The following HNRNPC variants were observed in gnomAD, a reference collection of about 807,000 sequenced individuals.
HNRNPC encodes heterogeneous nuclear ribonucleoprotein C, also known as heterogeneous nuclear ribonucleoproteins C1/C2.
HNRNPC carries 3 observed loss-of-function variants against 33.2 expected under a neutral mutation model. That is an observed-to-expected ratio of 0.09 (90% CI 0.04 to 0.23). HNRNPC has a LOEUF of 0.23. HNRNPC is among the 10% of genes least tolerant of loss of function. HNRNPC has a pLI of 1.00. For missense variants in HNRNPC, 143 were observed against 366.7 expected (o/e 0.39, Z 4.98); for synonymous variants, 121 against 126.7 (o/e 0.96, Z 0.30).
intron 2 of HNRNPC, among the ~76,000 whole-genome samples, chr14:21,246,084 A>G (rs1352213363): frequency 6.6e-6 from 1 of 152,048 alleles, no homozygotes. Context: ...TCGGCCTCCC[A>G]AATTGCTGGG....
intron 2 of HNRNPC, among the ~76,000 whole-genome samples, chr14:21,262,326 T>C (rs1594338158): frequency 6.6e-6 from 1 of 152,268 alleles, no homozygotes; most frequent in East Asian, 1.9e-4. Flanking sequence ...GTTTTCTTGT[T>C]GCTAATCATT....
At chr14:21,229,736 T>C (rs142291733) in intron 5 of HNRNPC, among the ~76,000 whole-genome samples, 4 of 152,234 alleles carry the variant, frequency 2.6e-5, no homozygotes, top group African/African-American at 9.6e-5. Context: ...TGAATTGTTA[T>C]ATACAGTAAT....
At chr14:21,226,897 G>GAAAAAAA (rs1566608876) in intron 5 of HNRNPC, among the ~76,000 whole-genome samples, 26 of 52,330 alleles carry the variant, frequency 5.0e-4, no homozygotes, top group Non-Finnish European at 7.2e-4. Context: ...AAAAAAAAAG[G>GAAAAAAA]GGGGGGGGGG....
intron 5 of HNRNPC, among the ~76,000 whole-genome samples, chr14:21,214,918 A>T (rs1380465322): frequency 6.6e-6 from 1 of 152,194 alleles, no homozygotes; most frequent in Non-Finnish European, 1.5e-5. Context: ...GCCTCAGTCC[A>T]ATGGAAATAA....
intron 1 of HNRNPC, chr14:21,265,469 G>C (rs1344201559): frequency 6.6e-6 from 1 of 152,118 alleles, no homozygotes; most frequent in Non-Finnish European, 1.5e-5. Flanking sequence ...AAACTGAAGA[G>C]CTACCACTCA....
At chr14:21,220,186 G>A (rs750377594) in intron 5 of HNRNPC, among the ~76,000 whole-genome samples, 1 of 150,762 alleles carries the variant, frequency 6.6e-6, no homozygotes, top group Non-Finnish European at 1.5e-5. Context: ...TGCCTTATGC[G>A]TCACGTGATG....
chr14:21,230,488 T>C (rs1893987161), intron 4 of HNRNPC, 122 bp from the exon 5 acceptor site: 1 of 681,968 alleles, frequency 1.5e-6, no homozygotes. Context: ...TAGCACTGAA[T>C]GATCCCCAAT....
intron 2 of HNRNPC, among the ~76,000 whole-genome samples, chr14:21,240,969 G>T (rs1176199854): frequency 6.6e-6 from 1 of 151,962 alleles, no homozygotes; most frequent in Non-Finnish European, 1.5e-5. Context: ...CTTTATTACT[G>T]TATCTTAAAA....
chr14:21,230,629 A>T (rs1329445042), intron 4 of HNRNPC: 2 of 513,876 alleles, frequency 3.9e-6, no homozygotes, highest in Non-Finnish European at 6.9e-6. Flanking sequence ...ACTGAAAAAC[A>T]GAATGGTAAA....
chr14:21,229,816 T>C (rs1036000881), intron 5 of HNRNPC, among the ~76,000 whole-genome samples: 1 of 152,266 alleles, frequency 6.6e-6, no homozygotes, highest in Non-Finnish European at 1.5e-5. Flanking sequence ...ATATGCTTTA[T>C]ATATTGCATG....
chr14:21,238,436 T>G (rs554881889), intron 2 of HNRNPC, among the ~76,000 whole-genome samples: 2 of 152,356 alleles, frequency 1.3e-5, no homozygotes, highest in East Asian at 3.9e-4. Flanking sequence ...GTACTCTGCT[T>G]GTGATTAATC....
At chr14:21,232,367 C>T (rs1005860604) in intron 3 of HNRNPC, among the ~76,000 whole-genome samples, 4 of 152,000 alleles carry the variant, frequency 2.6e-5, no homozygotes, top group African/African-American at 9.7e-5. Context: ...CACCTCAAAC[C>T]ATTAACTAGA....
At chr14:21,235,296 A>G (rs1412923128) in intron 2 of HNRNPC, among the ~76,000 whole-genome samples, 6 of 152,130 alleles carry the variant, frequency 3.9e-5, no homozygotes, top group African/African-American at 1.2e-4. Flanking sequence ...ATAAATCTCA[A>G]AAGATTCCAG....
At chr14:21,269,042 AAGC>A (rs1249795827) in intron 1 of HNRNPC, among the ~76,000 whole-genome samples, 2 of 152,128 alleles carry the variant, frequency 1.3e-5, no homozygotes, top group African/African-American at 4.8e-5. Flanking sequence ...AATGAAAGGA[AAGC>A]AGCCGTTAAC....
chr14:21,218,704 A>AAAAAAAAAAAAAAAAAAAAC (rs1225752731), intron 5 of HNRNPC, among the ~76,000 whole-genome samples: 1 of 136,794 alleles, frequency 7.3e-6, no homozygotes, highest in African/African-American at 2.8e-5. Flanking sequence ...AAAAAAAAAA[A>AAAAAAAAAAAAAAAAAAAAC]AAAACTGAAA....
chr14:21,214,123 T>C (rs1263811929), intron 5 of HNRNPC, among the ~76,000 whole-genome samples: 3 of 151,932 alleles, frequency 2.0e-5, no homozygotes, highest in East Asian at 1.9e-4. Context: ...TCTTCAATTC[T>C]GCAAGCTTTT....
intron 5 of HNRNPC, among the ~76,000 whole-genome samples, chr14:21,226,044 G>A (rs1455427638): frequency 6.6e-6 from 1 of 152,062 alleles, no homozygotes; most frequent in Non-Finnish European, 1.5e-5. Flanking sequence ...TGGGCCAGGT[G>A]CAGTGGCTCA....
intron 2 of HNRNPC, among the ~76,000 whole-genome samples, chr14:21,251,248 A>G (rs1363104970): frequency 8.0e-5 from 10 of 124,962 alleles, no homozygotes; most frequent in African/African-American, 3.2e-4. Context: ...ACAACAGAGC[A>G]AGACTCCCTC....
In HNRNPC at chr14:21,233,538, T is replaced by C. The variant is rs546056354; in HGVS notation, c.241+415A>G. Among the ~76,000 whole-genome samples, 11 of 152,306 alleles carry C rather than the reference T, an allele frequency of 7.2e-5. No individual in the cohort carries two copies. In the South Asian group the frequency reaches 2.1e-3, roughly 29 times the overall value. ...AGGTAGTAAGTACTCTGAGGTGTCATTACATTTTAAAATACAAGAAAATCT... is the reference window on the plus strand; with the variant it reads ...AGGTAGTAAGTACTCTGAGGTGTCACTACATTTTAAAATACAAGAAAATCT... On this transcript the variant is annotated intron_variant, in intron 3 of 8. Transcript: ENST00000553300.
Sources: gnomAD v4.1 joint callset for allele counts (sites outside exome capture counted in the v4.1 genomes callset) on GRCh38, gnomAD v4.1.1 for gene constraint, MANE v1.5 for transcripts, NCBI Gene and HGNC (gene_info 2026-07-23, HGNC 2026-07-21) for gene names.